Variants in COL18A1 observed in about 807,000 individuals in gnomAD.
The protein encoded by COL18A1 is collagen type XVIII alpha 1 chain.
A neutral mutation model predicts 168.0 loss-of-function variants in COL18A1; 133 were observed. The ratio of observed to expected loss-of-function variants is 0.79; its 90% CI spans 0.69 to 0.91. The LOEUF (loss-of-function observed/expected upper bound fraction) is 0.91, where lower values mean the gene tolerates loss of function less well. COL18A1 is among the 40% of genes least tolerant of loss of function. The pLI is 0.00. For missense variants in COL18A1, 2,126 were observed against 1,925.4 expected, an observed-to-expected ratio of 1.10 and a Z score of -1.95; for synonymous variants, 949 against 809.0, an observed-to-expected ratio of 1.17 and a Z score of -2.94.
chr21:45,416,051 G>A (rs928648009), intron 2 of COL18A1, among the ~76,000 whole-genome samples: 9 of 152,290 alleles, frequency 5.9e-5, no homozygotes, highest in East Asian at 1.9e-4. Context: ...CAGCAACACC[G>A]GGCAGGTATG....
At chr21:45,452,170 G>A (rs923537744) in intron 2 of COL18A1, among the ~76,000 whole-genome samples, 2 of 152,236 alleles carry the variant, frequency 1.3e-5, no homozygotes, top group African/African-American at 2.4e-5. Context: ...AGCCACAGTC[G>A]GGCCCTTTAC....
chr21:45,472,076 T>TG (rs1022336925), intron 3 of COL18A1, among the ~76,000 whole-genome samples: 5 of 152,034 alleles, frequency 3.3e-5, no homozygotes, highest in African/African-American at 1.2e-4. Flanking sequence ...TGGCCACCTG[T>TG]GGGGGGGTCA....
rs1003357187 is a variant in COL18A1, at chr21:45,497,930, C to T, written c.2683+269C>T. The T allele has an allele frequency of 8.3e-6, 5 of 605,784 alleles. No homozygotes were observed. The African/African-American group carries it at 9.3e-5, about 11-fold the overall frequency. The allele number at this position is 605,784 out of a possible 1,614,324, so 37.5% of individuals were successfully genotyped here. A position where few individuals can be genotyped will look rare whatever the true frequency, so the allele number is the denominator to read the frequency against. ...GATGGCTGCCCTTCCATGCTAGACC[C>T]AGGTGGGCACTGCGCAGAGACACAG... On this transcript the variant is annotated intron_variant, in intron 32 of 41. Coordinates refer to ENST00000651438, the MANE Select transcript of COL18A1 (RefSeq NM_001379500.1).
chr21:45,408,483 G>T (rs576819408), intron 2 of COL18A1: 1 of 152,356 alleles, frequency 6.6e-6, no homozygotes, highest in Non-Finnish European at 1.5e-5. Flanking sequence ...GCTGGGGGCT[G>T]GGTTCTTTGG....
intron 6 of COL18A1, among the ~76,000 whole-genome samples, chr21:45,476,923 G>T (rs201662370): frequency 0.27 from 26,238 of 98,482 alleles, 2,226 homozygotes; most frequent in Middle Eastern, 0.31. Context: ...TATGTGTTTT[G>T]TGTGTGTGTG....
intron 34 of COL18A1, 150 bp downstream of exon 34, chr21:45,504,706 G>A: frequency 4.3e-6 from 3 of 703,450 alleles, no homozygotes; most frequent in Admixed American, 2.8e-5. Flanking sequence ...CCCCGTGTGG[G>A]GACGCAGCAG....
intron 2 of COL18A1, among the ~76,000 whole-genome samples, chr21:45,440,420 A>C (rs1265632127): frequency 6.6e-6 from 1 of 152,140 alleles, no homozygotes; most frequent in African/African-American, 2.4e-5. Flanking sequence ...GGCCCTGCCC[A>C]GGGCTGACCC....
chr21:45,491,361 C>A, intron 22 of COL18A1, 47 bp downstream of exon 22: 1 of 1,215,046 alleles, frequency 8.2e-7, no homozygotes, highest in Non-Finnish European at 1.2e-6. Context: ...AGACCCCCCA[C>A]GGGGTGCAGA....
chr21:45,480,585 C>G (rs2035857230), intron 12 of COL18A1, 65 bp downstream of exon 12: 1 of 1,613,700 alleles, frequency 6.2e-7, no homozygotes, highest in South Asian at 1.1e-5. Context: ...GCCATGGACC[C>G]CCAAGATTCA....
intron 2 of COL18A1, chr21:45,407,400 C>T (rs2033148818): frequency 6.6e-6 from 1 of 152,172 alleles, no homozygotes; most frequent in Non-Finnish European, 1.5e-5. Context: ...TTTTTTGTGT[C>T]AGGATTGGTC....
chr21:45,478,301 A>C (rs750755182), intron 8 of COL18A1, 26 bp from the exon 9 acceptor site: 1 of 1,613,574 alleles, frequency 6.2e-7, no homozygotes, highest in African/African-American at 1.3e-5. Flanking sequence ...ATTTCCCATC[A>C]CTAATGGCTT....
intron 20 of COL18A1, 113 bp from the exon 21 acceptor site, chr21:45,490,723 C>A: frequency 8.5e-7 from 1 of 1,181,648 alleles, no homozygotes; most frequent in Non-Finnish European, 1.2e-6. Flanking sequence ...CCTCCCAGGC[C>A]CCAGCCGGTC....
At chr21:45,419,318 G>A (rs1187948307) in intron 2 of COL18A1, among the ~76,000 whole-genome samples, 1 of 151,630 alleles carries the variant, frequency 6.6e-6, no homozygotes, top group East Asian at 1.9e-4. Flanking sequence ...GTGACGCAAT[G>A]CCGTGTAGTT....
chr21:45,437,429 CTCCTGCACACACACACTCACTCACAG>C (rs2145799430), intron 2 of COL18A1, among the ~76,000 whole-genome samples: 1 of 112,458 alleles, frequency 8.9e-6, no homozygotes. Flanking sequence ...CACAGGCACT[CTCCTGCACACACACACTCACTCACAG>C]ACAGACACAC....
Position 45,487,514 on chromosome 21 carries a change from T to C in COL18A1, c.1896+5T>C, listed in dbSNP as rs762434571. 1.2e-6 allele frequency: 2 copies of C among 1,612,474 alleles called. No homozygotes were observed. The highest frequency in any genetic ancestry group is 3.3e-5 in the Admixed American group (2 of 60,004). ...CGAAGCGCTGATGGGCCACAGGTAG[T>C]GTTGTGAGCTGGGCGTGGCCGGCTC... is the stretch of plus-strand genomic sequence containing the variant. On this transcript the variant is annotated splice_donor_5th_base_variant and intron_variant, in intron 17 of 41. Coordinates refer to ENST00000651438, the MANE Select transcript of COL18A1 (RefSeq NM_001379500.1).
At chr21:45,417,830 G>A (rs187268549) in intron 2 of COL18A1, among the ~76,000 whole-genome samples, 15 of 152,366 alleles carry the variant, frequency 9.8e-5, no homozygotes, top group African/African-American at 2.6e-4. Flanking sequence ...TGTGGAAAAC[G>A]CTAAGGGTGG....
chr21:45,494,319 C>T (rs953896043), intron 26 of COL18A1: 10 of 628,646 alleles, frequency 1.6e-5, no homozygotes, highest in Non-Finnish European at 2.8e-5. Flanking sequence ...GGACGCAAAC[C>T]CCAAACCCGA....
rs906823392 is a variant in COL18A1 at position 45,471,541 on chromosome 21, G to A, written c.652-2354G>A. ...GCCACAGATGGTGCCTGGGACCCCC[G>A]GCCGCAGCTGGGTCCAACAGAGCCC... is the stretch of plus-strand genomic sequence containing the variant. On this transcript the variant is annotated intron_variant, in intron 3 of 41. Transcript: ENST00000651438. The surrounding 1 kb of genome is among the most constrained non-coding windows in gnomAD (Gnocchi z 4.4). 4.6e-5 allele frequency among the ~76,000 whole-genome samples: 7 copies of A among 152,136 alleles called. No individual in the cohort carries two copies. Among genetic ancestry groups the A allele is most frequent in the African/African-American group, 9.7e-5 (4 of 41,410 alleles).
In COL18A1 at chr21:45,473,926, A is replaced by C. The variant is rs865932458; in HGVS notation, c.683A>C (p.Asp228Ala). The change falls in exon 4 of 42, where the codon GAC becomes GCC. Residue 228 changes from aspartate (D) to alanine (A), a missense_variant. Asp to Ala is a moderately radical substitution (Grantham distance 126, BLOSUM62 -2). Transcript: ENST00000651438. The surrounding 1 kb of genome is among the most constrained non-coding windows in gnomAD (Gnocchi z 4.0). ...GVIAELKVRR[D>A]PQVSPMHCLD... is the part of the protein sequence containing the mutation. ...ATCGCTGAGCTGAAGGTGCGCAGGG[A>C]CCCCCAGGTGAGCCCCATGCACTGC... 7.5e-6 allele frequency: 12 copies of C among 1,606,128 alleles called. No homozygotes were observed. The Middle Eastern group carries it at 2.0e-3, about 265-fold the overall frequency.
Sources: allele counts gnomAD v4.1 joint callset (sites outside exome capture counted in the v4.1 genomes callset), GRCh38; gene constraint gnomAD v4.1.1; non-coding constraint Gnocchi (gnomAD v3.1); transcripts MANE v1.5; gene names NCBI Gene and HGNC (gene_info 2026-07-23, HGNC 2026-07-21).